ACSS1: variants seen among roughly 807,000 people sequenced by gnomAD.
ACSS1 encodes acetyl-coenzyme A synthetase 2-like, mitochondrial.
A neutral mutation model predicts 75.3 loss-of-function variants in ACSS1; 42 were observed. The observed-to-expected ratio is 0.56, with a 90% CI of 0.44 to 0.72. ACSS1 has a LOEUF of 0.72. Ranked by LOEUF, ACSS1 falls within the 30% of genes least tolerant of loss-of-function variation. The pLI, the probability that ACSS1 is intolerant of heterozygous loss-of-function variation, is 0.00. For synonymous variants in ACSS1, 380 were observed against 376.8 expected (o/e 1.01, Z -0.10); for missense variants, 782 against 935.7 (o/e 0.84, Z 2.14).
At position 25,007,472 on chromosome 20, in the gene ACSS1, G is replaced by A; in HGVS notation, c.*290C>T. ...TCACCTTCCTGTGCTGGCTCAAGAG[G>A]GCAGAGGAATGGAGATGGCAATGCC... On this transcript the variant is annotated 3_prime_UTR_variant, in exon 14 of 14. Transcript: ENST00000323482. 1 of 1,249,586 alleles carries A rather than the reference G, an allele frequency of 8.0e-7. No individual in the cohort carries two copies. The highest frequency in any genetic ancestry group is 2.2e-5 in the South Asian group (1 of 45,600). The allele number at this position is 1,249,586 out of a possible 1,614,324, so 77.4% of individuals were successfully genotyped here.
At chr20:25,013,800 T>G in intron 9 of ACSS1, 138 bp from the exon 10 acceptor site, 1 of 1,352,312 alleles carries the variant, frequency 7.4e-7, no homozygotes, top group Admixed American at 2.3e-5. Flanking sequence ...GCCACCTGTG[T>G]GGCCACTACC....
chr20:25,019,893 G>C (rs1402836977), intron 7 of ACSS1, 117 bp downstream of exon 7: 2 of 1,454,020 alleles, frequency 1.4e-6, no homozygotes, highest in Non-Finnish European at 1.9e-6. Flanking sequence ...CTGGCATTGC[G>C]TGAATTCACA....
At chr20:25,042,513 A>G (rs965485752) in intron 2 of ACSS1, among the ~76,000 whole-genome samples, 2 of 152,220 alleles carry the variant, frequency 1.3e-5, no homozygotes, top group Admixed American at 6.5e-5. Context: ...TGTGTCACAC[A>G]CGGGTCAACG....
At chr20:25,033,540 G>T (rs986143046) in intron 2 of ACSS1, among the ~76,000 whole-genome samples, 3 of 152,188 alleles carry the variant, frequency 2.0e-5, no homozygotes, top group African/African-American at 7.2e-5. Flanking sequence ...AGAAATCTTT[G>T]TTTGAAATCG....
intron 1 of ACSS1, among the ~76,000 whole-genome samples, chr20:25,052,699 A>G (rs73906070): frequency 0.036 from 5,463 of 152,340 alleles, 351 homozygotes; most frequent in African/African-American, 0.12. Context: ...AAATCTGTGC[A>G]ATGGGACCAC....
chr20:25,006,663 C>G lies in ACSS1; in HGVS notation c.*1099G>C. 2 of 764,080 alleles carry G rather than the reference C, an allele frequency of 2.6e-6. No homozygotes were observed. Among genetic ancestry groups the G allele is most frequent in the South Asian group, 4.0e-5 (2 of 49,928 alleles). The allele number at this position is 764,080 out of a possible 1,614,324, so 47.3% of individuals were successfully genotyped here. ...CCTGCCAACCGCCAGCCCCTGCATG[C>G]CTAGCAGGGAGGTAAGCACCCACTG... On this transcript the variant is annotated 3_prime_UTR_variant, in exon 14 of 14. Coordinates refer to ENST00000323482, the MANE Select transcript of ACSS1 (RefSeq NM_032501.4).
intron 2 of ACSS1, chr20:25,046,793 C>A (rs779173166): frequency 1.0e-5 from 8 of 779,524 alleles, no homozygotes; most frequent in Non-Finnish European, 9.6e-6. Flanking sequence ...GGGGGCCGCT[C>A]AGTTGTCCAG....
At chr20:25,022,504 G>A (rs1452107138) in intron 5 of ACSS1, among the ~76,000 whole-genome samples, 3 of 152,366 alleles carry the variant, frequency 2.0e-5, no homozygotes, top group East Asian at 1.9e-4. Flanking sequence ...GACACATCAA[G>A]ACATGCTGGA....
intron 3 of ACSS1, among the ~76,000 whole-genome samples, chr20:25,025,355 G>C (rs1176362684): frequency 2.0e-5 from 3 of 152,206 alleles, no homozygotes; most frequent in African/African-American, 4.8e-5. Flanking sequence ...GCCCTCCAAG[G>C]CTGGGCCACA....
chr20:25,020,527 G>C (rs1322768911), intron 6 of ACSS1, among the ~76,000 whole-genome samples: 1 of 152,244 alleles, frequency 6.6e-6, no homozygotes, highest in East Asian at 1.9e-4. Flanking sequence ...GCTTCCCCTG[G>C]TGACAGTACA....
chr20:25,012,468 G>C (rs756235861), intron 12 of ACSS1, 133 bp downstream of exon 12: 1 of 1,130,108 alleles, frequency 8.8e-7, no homozygotes, highest in Middle Eastern at 2.0e-4. Context: ...CCACTTGAGA[G>C]AGAAGAACAC....
At position 25,012,646 on chromosome 20, in the gene ACSS1, G is replaced by T; in HGVS notation, c.1726C>A (p.Pro576Thr). Reference sequence around the variant, plus strand: ...GGGTAGCCAATGACAGCACTTTCTGGTACTGCAGGGTGGTCGGCCTGTGTA... The same window carrying T: ...GGGTAGCCAATGACAGCACTTTCTGTTACTGCAGGGTGGTCGGCCTGTGTA... ...EDAIADHPAV[P>T]ESAVIGYPHD... Residue 576 changes from proline to threonine, a missense_variant, in exon 12 of 14, where the codon CCA becomes ACA. Pro to Thr is a conservative substitution (Grantham distance 38). Coordinates refer to ENST00000323482, the MANE Select transcript of ACSS1 (RefSeq NM_032501.4). The T allele has an allele frequency of 6.2e-7, 1 of 1,614,146 alleles. No homozygotes were observed. Among genetic ancestry groups the T allele is most frequent in the Non-Finnish European group, 8.5e-7 (1 of 1,180,028 alleles).
In ACSS1 at chr20:25,012,436, T is replaced by G. The variant is rs2088426018; in HGVS notation, c.1771+165A>C. 6.0e-6 allele frequency: 5 copies of G among 837,144 alleles called. No homozygotes were observed. In the South Asian group the frequency reaches 8.3e-5, roughly 14 times the overall value. 51.9% of individuals were successfully genotyped at this position (837,144 alleles called of 1,614,324 possible). A position where few individuals can be genotyped will look rare whatever the true frequency, so the allele number is the denominator to read the frequency against. On this transcript the variant is annotated intron_variant, in intron 12 of 13. Transcript: ENST00000323482. ...AAACCCGACCGAACACGAGTGCTAT[T>G]CAGCCTCCTCCCCTACAGTTTCCAC...
At chr20:25,012,964 C>T in intron 10 of ACSS1, 25 bp from the exon 11 acceptor site, 1 of 1,613,914 alleles carries the variant, frequency 6.2e-7, no homozygotes, top group Non-Finnish European at 8.5e-7. Flanking sequence ...GGAAATTCAG[C>T]ACCAGGAACC....
chr20:25,045,678 A>G (rs1386135103), intron 2 of ACSS1, among the ~76,000 whole-genome samples: 1 of 152,248 alleles, frequency 6.6e-6, no homozygotes, highest in East Asian at 1.9e-4. Flanking sequence ...CACTGTGTTC[A>G]GTGGCAGTGA....
At chr20:25,050,412 A>G (rs1216890938) in intron 1 of ACSS1, among the ~76,000 whole-genome samples, 1 of 151,930 alleles carries the variant, frequency 6.6e-6, no homozygotes, top group Non-Finnish European at 1.5e-5. Context: ...GCTGGTCACA[A>G]ATGCAAATCT....
intron 3 of ACSS1, among the ~76,000 whole-genome samples, chr20:25,030,547 C>T (rs2088803393): frequency 6.6e-6 from 1 of 152,258 alleles, no homozygotes. Flanking sequence ...CTGGAACTGT[C>T]CCTTTTTCAC....
At chr20:25,051,884 T>C (rs180815514) in intron 1 of ACSS1, among the ~76,000 whole-genome samples, 5 of 152,332 alleles carry the variant, frequency 3.3e-5, no homozygotes, top group Non-Finnish European at 7.4e-5. Flanking sequence ...ATCCTTGGTC[T>C]GGGTGGGACT....
intron 1 of ACSS1, among the ~76,000 whole-genome samples, chr20:25,057,082 C>G (rs1026884749): frequency 6.6e-6 from 1 of 152,234 alleles, no homozygotes; most frequent in Non-Finnish European, 1.5e-5. Context: ...CGACGTCAGA[C>G]CCCGCGGGTC....
Sources: allele counts gnomAD v4.1 joint callset (sites outside exome capture counted in the v4.1 genomes callset), GRCh38; gene constraint gnomAD v4.1.1; transcripts MANE v1.5; gene names NCBI Gene and HGNC (gene_info 2026-07-23, HGNC 2026-07-21).